Variants in ERLIN1 observed in about 807,000 individuals in gnomAD.
The protein encoded by ERLIN1 is erlin-1.
ERLIN1 carries 24 observed loss-of-function variants against 46.9 expected under a neutral mutation model. That is an observed-to-expected ratio of 0.51 (90% CI 0.37 to 0.72). ERLIN1 has a LOEUF of 0.72. Ranked by LOEUF, ERLIN1 falls within the 30% of genes least tolerant of loss-of-function variation. The pLI is 0.00. For missense variants in ERLIN1, 293 were observed against 417.9 expected, an observed-to-expected ratio of 0.70 and a Z score of 2.61; for synonymous variants, 158 against 143.2, an observed-to-expected ratio of 1.10 and a Z score of -0.74.
chr10:100,169,672 T>C (rs1843876944), intron 6 of ERLIN1, among the ~76,000 whole-genome samples: 1 of 151,884 alleles, frequency 6.6e-6, no homozygotes, highest in South Asian at 2.1e-4. Context: ...ATTAAATCCA[T>C]TGGTATTAAT....
rs752436202 is a variant in ERLIN1, at chr10:100,185,656, G to A, written c.-30C>T. On this transcript the variant is annotated 5_prime_UTR_variant, in exon 1 of 11. Transcript: ENST00000421367. ...GTTCCTCCTGGGAGCGGGAGAAAAG[G>A]ACCCTCAGTCCCGTGAGTGACAGGT... 1 of 1,572,740 alleles carries A rather than the reference G, an allele frequency of 6.4e-7. No individual in the cohort carries two copies. Among genetic ancestry groups the A allele is most frequent in the South Asian group, 1.1e-5 (1 of 90,340 alleles).
At position 100,156,249 on chromosome 10, in the gene ERLIN1, C is replaced by T. The variant is rs1480695679; in HGVS notation, c.656-15G>A. The T allele has an allele frequency of 6.4e-7, 1 of 1,563,528 alleles. No homozygotes were observed. The highest frequency in any genetic ancestry group is 8.8e-7 in the Non-Finnish European group (1 of 1,135,996). The stretch of plus-strand genomic sequence containing the variant: ...CTTCTCTGCTTCTATAATCATACAA[C>T]ATAAGAAGACACATTCAAAACCATT... On this transcript the variant is annotated splice_polypyrimidine_tract_variant and intron_variant, in intron 8 of 10. Transcript: ENST00000421367.
chr10:100,185,398 C>T (rs1181839525), intron 1 of ERLIN1, 116 bp downstream of exon 1: 2 of 792,444 alleles, frequency 2.5e-6, no homozygotes, highest in African/African-American at 1.7e-5. Context: ...CCGTGCTCTC[C>T]CTAGAGATGG....
At chr10:100,176,139 G>A (rs1056735729) in intron 4 of ERLIN1, 69 bp from the exon 5 acceptor site, 19 of 1,431,576 alleles carry the variant, frequency 1.3e-5, no homozygotes, top group South Asian at 2.9e-5. Flanking sequence ...ATTCAGCCAG[G>A]GTAAAAGTCA....
chr10:100,163,586 C>A (rs760334232), intron 8 of ERLIN1, among the ~76,000 whole-genome samples: 62 of 152,180 alleles, frequency 4.1e-4, no homozygotes, highest in South Asian at 1.0e-3. Context: ...TGTAAACAAT[C>A]CTGCCATGCT....
At chr10:100,173,487 TA>T (rs1198392508) in intron 6 of ERLIN1, among the ~76,000 whole-genome samples, 1 of 152,152 alleles carries the variant, frequency 6.6e-6, no homozygotes, top group African/African-American at 2.4e-5. Flanking sequence ...CCATTTTATT[TA>T]AAATGCTGTT....
chr10:100,153,231 G>A (rs116663148), intron 10 of ERLIN1, among the ~76,000 whole-genome samples: 1,776 of 152,148 alleles, frequency 0.012, 46 homozygotes, highest in African/African-American at 0.04. Context: ...GATGTTTGTC[G>A]ACCACCAGAT....
intron 8 of ERLIN1, among the ~76,000 whole-genome samples, chr10:100,160,662 T>A (rs1053265972): frequency 6.6e-6 from 1 of 152,166 alleles, no homozygotes. Flanking sequence ...GAAAAAATTT[T>A]CAGACTGGGC....
At chr10:100,180,903 AT>A (rs1844604364) in intron 2 of ERLIN1, among the ~76,000 whole-genome samples, 1 of 152,246 alleles carries the variant, frequency 6.6e-6, no homozygotes, top group Admixed American at 6.5e-5. Context: ...AGTAAAGGCC[AT>A]GAAAGCTGTC....
chr10:100,161,945 A>G (rs1015761240), intron 8 of ERLIN1, among the ~76,000 whole-genome samples: 10 of 152,214 alleles, frequency 6.6e-5, no homozygotes, highest in Non-Finnish European at 1.5e-4. Context: ...AGACTTAAAT[A>G]TGAAAAGCAA....
chr10:100,168,680 CT>C (rs200700163), intron 6 of ERLIN1, among the ~76,000 whole-genome samples: 433 of 138,156 alleles, frequency 3.1e-3, no homozygotes, highest in Middle Eastern at 3.7e-3. Context: ...TAAAGTAGGA[CT>C]TTTTTTTTTT....
intron 8 of ERLIN1, among the ~76,000 whole-genome samples, chr10:100,157,617 A>T (rs1335424499): frequency 6.6e-6 from 1 of 152,210 alleles, no homozygotes; most frequent in Non-Finnish European, 1.5e-5. Flanking sequence ...CTGCTCCAGG[A>T]GATAATTCCC....
At chr10:100,175,863 G>C in intron 5 of ERLIN1, 82 bp downstream of exon 5, 1 of 1,239,886 alleles carries the variant, frequency 8.1e-7, no homozygotes, top group Non-Finnish European at 1.1e-6. Flanking sequence ...TAGCACTAAG[G>C]TTTACCAATA....
At chr10:100,180,862 G>C (rs1040513169) in intron 2 of ERLIN1, among the ~76,000 whole-genome samples, 1 of 152,138 alleles carries the variant, frequency 6.6e-6, no homozygotes, top group Non-Finnish European at 1.5e-5. Context: ...CCAGCTGGGA[G>C]GCTAAATAAT....
chr10:100,182,833 T>A (rs1339296097), intron 2 of ERLIN1, among the ~76,000 whole-genome samples: 1 of 152,084 alleles, frequency 6.6e-6, no homozygotes, highest in Admixed American at 6.5e-5. Context: ...GATAAAGAAG[T>A]GATGGCATGA....
intron 10 of ERLIN1, among the ~76,000 whole-genome samples, chr10:100,152,553 C>T (rs1287141280): frequency 6.6e-6 from 1 of 152,160 alleles, no homozygotes; most frequent in Non-Finnish European, 1.5e-5. Flanking sequence ...CATTAAGCTC[C>T]TGACTTAATG....
chr10:100,157,546 A>G (rs1178447408), intron 8 of ERLIN1, among the ~76,000 whole-genome samples: 1 of 152,258 alleles, frequency 6.6e-6, no homozygotes, highest in Non-Finnish European at 1.5e-5. Flanking sequence ...GAAAAAGTAC[A>G]TAATGGAAAG....
intron 6 of ERLIN1, among the ~76,000 whole-genome samples, chr10:100,168,648 T>C (rs1307097489): frequency 2.6e-5 from 4 of 152,160 alleles, no homozygotes; most frequent in African/African-American, 9.7e-5. Context: ...CACATATCTT[T>C]TTAGCCTTAT....
intron 1 of ERLIN1, among the ~76,000 whole-genome samples, chr10:100,184,543 CTTGAAA>C (rs1844850730): frequency 6.6e-6 from 1 of 152,160 alleles, no homozygotes; most frequent in African/African-American, 2.4e-5. Context: ...AGCTACCGGT[CTTGAAA>C]ATATAAACAC....
Sources: allele counts gnomAD v4.1 joint callset (sites outside exome capture counted in the v4.1 genomes callset), GRCh38; gene constraint gnomAD v4.1.1; transcripts MANE v1.5; gene names NCBI Gene and HGNC (gene_info 2026-07-23, HGNC 2026-07-21).